PCDHA11: variants seen among roughly 807,000 people sequenced by gnomAD.
The protein encoded by PCDHA11 is protocadherin alpha-11.
In PCDHA11, 61 loss-of-function variants were observed where a neutral mutation model predicts 70.3. That is an observed-to-expected ratio of 0.87 (90% confidence interval 0.71 to 1.07). The LOEUF (loss-of-function observed/expected upper bound fraction) is 1.07. PCDHA11 is among the 50% of genes least tolerant of loss of function. The pLI is 0.00. For missense variants in PCDHA11, 1,324 were observed against 1,237.5 expected (o/e 1.07, Z -1.05); for synonymous variants, 633 against 555.1 (o/e 1.14, Z -1.97).
At chr5:140,893,137 C>T (rs2153441262) in intron 1 of PCDHA11, among the ~76,000 whole-genome samples, 1 of 152,298 alleles carries the variant, frequency 6.6e-6, no homozygotes, top group South Asian at 2.1e-4. Context: ...TTTCTTTATC[C>T]ACTCATCTGT....
At chr5:140,885,131 CT>C (rs1162868700) in intron 1 of PCDHA11, among the ~76,000 whole-genome samples, 1 of 152,024 alleles carries the variant, frequency 6.6e-6, no homozygotes, top group Non-Finnish European at 1.5e-5. Flanking sequence ...TTCTTTCTTT[CT>C]TTTTTTAAAC....
Position 140,978,928 on chromosome 5 carries a change from ACT to A in PCDHA11, c.2392-16_2392-15del. ...CATTGTCTTGTCATTTTAACAGAAA[ACT>A]CTCTTTGTGATTTTGCAGCCACGAC... On this transcript the variant is annotated intron_variant, in intron 1 of 3. Coordinates refer to ENST00000398640, the MANE Select transcript of PCDHA11 (RefSeq NM_018902.5). The A allele has an allele frequency of 6.2e-7, 1 of 1,613,190 alleles. No homozygotes were observed. Among genetic ancestry groups the A allele is most frequent in the Admixed American group, 1.7e-5 (1 of 59,890 alleles).
At chr5:140,935,104 A>C (rs1233919640) in intron 1 of PCDHA11, among the ~76,000 whole-genome samples, 1 of 152,126 alleles carries the variant, frequency 6.6e-6, no homozygotes, top group South Asian at 2.1e-4. Flanking sequence ...GCCATTTTTC[A>C]AAGAGCTTTC....
At chr5:140,954,297 C>T (rs1369831854) in intron 1 of PCDHA11, among the ~76,000 whole-genome samples, 2 of 152,180 alleles carry the variant, frequency 1.3e-5, no homozygotes, top group African/African-American at 4.8e-5. Flanking sequence ...TGGGTACATA[C>T]CCAGTAATGG....
At chr5:140,902,560 G>A (rs558432897) in intron 1 of PCDHA11, among the ~76,000 whole-genome samples, 1 of 151,954 alleles carries the variant, frequency 6.6e-6, no homozygotes, top group African/African-American at 2.4e-5. Flanking sequence ...CCAGATTTTT[G>A]AGGGTTTTTA....
intron 1 of PCDHA11, among the ~76,000 whole-genome samples, chr5:140,963,787 A>G (rs155812): frequency 0.31 from 47,834 of 152,128 alleles, 7,882 homozygotes; most frequent in East Asian, 0.53. Context: ...AACAACAACA[A>G]TAATGTACTT....
intron 1 of PCDHA11, chr5:140,966,319 G>T: frequency 2.6e-6 from 1 of 388,824 alleles, no homozygotes; most frequent in Admixed American, 4.5e-5. Context: ...CCTGCGGTCC[G>T]CTGGGATCCG....
chr5:140,884,241 C>A (rs782355331), intron 1 of PCDHA11: 5 of 1,613,408 alleles, frequency 3.1e-6, no homozygotes, highest in Non-Finnish European at 4.2e-6. Flanking sequence ...GGTGAGCCCG[C>A]GCTGACGGCC....
intron 1 of PCDHA11, among the ~76,000 whole-genome samples, chr5:140,914,744 T>C (rs989394283): frequency 6.6e-6 from 1 of 152,280 alleles, no homozygotes; most frequent in Non-Finnish European, 1.5e-5. Context: ...TGTATGTTTT[T>C]CCATTTGAGG....
At chr5:140,916,163 C>G (rs546851152) in intron 1 of PCDHA11, among the ~76,000 whole-genome samples, 1 of 152,066 alleles carries the variant, frequency 6.6e-6, no homozygotes, top group African/African-American at 2.4e-5. Context: ...TGAATGCTGC[C>G]AGGCCTGGGA....
chr5:140,898,456 C>G (rs1333861280), intron 1 of PCDHA11, among the ~76,000 whole-genome samples: 2 of 152,134 alleles, frequency 1.3e-5, no homozygotes, highest in African/African-American at 2.4e-5. Flanking sequence ...AATCCTTTCC[C>G]CATTGCTTGT....
chr5:140,883,621 C>G (rs368758287), intron 1 of PCDHA11: 2 of 1,613,850 alleles, frequency 1.2e-6, no homozygotes, highest in African/African-American at 2.7e-5. Flanking sequence ...TGAACGACAA[C>G]GCGCCGGCGT....
chr5:141,000,279 G>A (rs528257063), intron 3 of PCDHA11, among the ~76,000 whole-genome samples: 60 of 151,092 alleles, frequency 4.0e-4, no homozygotes, highest in Middle Eastern at 3.4e-3. Context: ...GGAGGCAGAG[G>A]TGGGAATATT....
chr5:140,930,985 A>G (rs2087229279), intron 1 of PCDHA11, among the ~76,000 whole-genome samples: 1 of 152,110 alleles, frequency 6.6e-6, no homozygotes, highest in Non-Finnish European at 1.5e-5. Context: ...TTTCTTCCTC[A>G]TGACCTACAC....
intron 1 of PCDHA11, among the ~76,000 whole-genome samples, chr5:140,892,867 A>G (rs1452797610): frequency 1.3e-5 from 2 of 152,150 alleles, no homozygotes; most frequent in African/African-American, 4.8e-5. Context: ...CTGTGTAGCT[A>G]TAATTTCGTA....
intron 1 of PCDHA11, among the ~76,000 whole-genome samples, chr5:140,938,975 C>T (rs1249900927): frequency 6.6e-6 from 1 of 152,188 alleles, no homozygotes; most frequent in African/African-American, 2.4e-5. Flanking sequence ...GGCATCAAGG[C>T]TATCCTGGCT....
At chr5:140,888,260 A>G (rs563968634) in intron 1 of PCDHA11, among the ~76,000 whole-genome samples, 1 of 152,194 alleles carries the variant, frequency 6.6e-6, no homozygotes, top group South Asian at 2.1e-4. Flanking sequence ...GTAGTTCTTG[A>G]TAAGAAACAG....
intron 3 of PCDHA11, among the ~76,000 whole-genome samples, chr5:140,992,572 G>T (rs1441448703): frequency 2.0e-5 from 3 of 152,148 alleles, no homozygotes; most frequent in Non-Finnish European, 4.4e-5. Flanking sequence ...AACACATATT[G>T]CCTGCCTTGT....
chr5:140,953,464 T>C (rs2094890309), intron 1 of PCDHA11, among the ~76,000 whole-genome samples: 1 of 152,142 alleles, frequency 6.6e-6, no homozygotes. Flanking sequence ...GTCAGAGTTT[T>C]AACTTCCTCA....
Sources: allele counts gnomAD v4.1 joint callset (sites outside exome capture counted in the v4.1 genomes callset), GRCh38; gene constraint gnomAD v4.1.1; transcripts MANE v1.5; gene names NCBI Gene and HGNC (gene_info 2026-07-23, HGNC 2026-07-21).